The following SMAD4 variants were observed in gnomAD, a reference collection of about 807,000 sequenced individuals.
SMAD4 encodes the protein MAD homolog 4.
A neutral mutation model predicts 63.2 loss-of-function variants in SMAD4; 7 were observed. The observed-to-expected ratio is 0.11, with a 90% CI of 0.06 to 0.21. The LOEUF (loss-of-function observed/expected upper bound fraction) is 0.21, where lower values mean the gene tolerates loss of function less well. Among genes scored for constraint, SMAD4 ranks in the 10% least tolerant of loss-of-function variants. SMAD4 has a pLI of 1.00. For missense variants in SMAD4, 312 were observed against 693.8 expected (o/e 0.45, Z 6.18); for synonymous variants, 215 against 235.4 (o/e 0.91, Z 0.79).
intron 1 of SMAD4, among the ~76,000 whole-genome samples, chr18:51,041,521 C>T (rs1360249591): frequency 1.3e-5 from 2 of 152,210 alleles, no homozygotes; most frequent in Non-Finnish European, 2.9e-5. Context: ...TGGCCTTTAG[C>T]CACCAGATGC....
chr18:51,036,934 C>T (rs1476067273), intron 1 of SMAD4, among the ~76,000 whole-genome samples: 1 of 152,106 alleles, frequency 6.6e-6, no homozygotes. Context: ...AAGGGGGGTG[C>T]GGATTACCTG....
At chr18:51,031,703 T>C (rs1909055751) in intron 1 of SMAD4, among the ~76,000 whole-genome samples, 1 of 151,894 alleles carries the variant, frequency 6.6e-6, no homozygotes. Flanking sequence ...AGAAGTAGGT[T>C]CACTCCTTTT....
At chr18:51,042,824 CTTG>C (rs1909431046) in intron 1 of SMAD4, among the ~76,000 whole-genome samples, 2 of 152,190 alleles carry the variant, frequency 1.3e-5, no homozygotes, top group Non-Finnish European at 2.9e-5. Context: ...GCCCCAGCCT[CTTG>C]TTAATTCATT....
At chr18:51,047,965 T>C (rs1345825663) in intron 2 of SMAD4, among the ~76,000 whole-genome samples, 1 of 152,186 alleles carries the variant, frequency 6.6e-6, no homozygotes, top group Non-Finnish European at 1.5e-5. Context: ...TTACACTTAG[T>C]CCTTTTATAA....
chr18:51,068,386 A>G (rs984219649), intron 10 of SMAD4, among the ~76,000 whole-genome samples: 7 of 152,206 alleles, frequency 4.6e-5, no homozygotes, highest in Admixed American at 4.6e-4. Context: ...ATAGTCACTC[A>G]TAAAATATTT....
intron 4 of SMAD4, among the ~76,000 whole-genome samples, chr18:51,050,302 T>G (rs1909669931): frequency 6.7e-6 from 1 of 148,162 alleles, no homozygotes. Context: ...GAGGTTGCAG[T>G]GAGCTGAGAT....
rs1909898933 is a variant in SMAD4, at chr18:51,058,348, A to G, written c.796A>G (p.Thr266Ala). 6.2e-7 allele frequency: 1 copy of G among 1,614,004 alleles called. No individual in the cohort carries two copies. Reference protein sequence around the residue: ...QPATYHHNSTTTWTGSRTAPY... With the variant: ...QPATYHHNSTATWTGSRTAPY... ...TGGGCCTTAATTTTTAGACAGCACT[A>G]CCACCTGGACTGGAAGTAGGACTGC... Residue 266 changes from threonine to alanine, a missense_variant, in exon 7 of 12, where the codon ACC becomes GCC. Thr to Ala is a moderately conservative substitution (Grantham distance 58). This residue lies in a region of SMAD4 where 169 missense variants were observed against 211.0 expected (regional missense o/e 0.80). Coordinates refer to ENST00000342988, the MANE Select transcript of SMAD4 (RefSeq NM_005359.6).
At chr18:51,055,303 C>T (rs1909814192) in intron 5 of SMAD4, among the ~76,000 whole-genome samples, 1 of 151,914 alleles carries the variant, frequency 6.6e-6, no homozygotes, top group South Asian at 2.1e-4. Context: ...AGTTTTGATC[C>T]AAGATGTTTA....
At chr18:51,056,912 T>G (rs1909861099) in intron 5 of SMAD4, among the ~76,000 whole-genome samples, 1 of 152,114 alleles carries the variant, frequency 6.6e-6, no homozygotes. Context: ...TTAATGACAA[T>G]TTTTGTAAGT....
At chr18:51,065,140 T>A (rs1378387676) in intron 8 of SMAD4, among the ~76,000 whole-genome samples, 3 of 152,094 alleles carry the variant, frequency 2.0e-5, no homozygotes, top group Non-Finnish European at 4.4e-5. Flanking sequence ...TTCCAGATTT[T>A]AAAAAATGAC....
rs863224401 is a variant in SMAD4 at position 51,048,811 on chromosome 18, T to C, written c.375T>C (p.Ser125=). 1 of 1,614,080 alleles carries C rather than the reference T, an allele frequency of 6.2e-7. No individual in the cohort carries two copies. The highest frequency in any genetic ancestry group is 8.5e-7 in the Non-Finnish European group (1 of 1,179,906). Residue 125 remains serine (S), a synonymous_variant, in exon 3 of 12, where the codon AGT becomes AGC. Coordinates refer to ENST00000342988, the MANE Select transcript of SMAD4 (RefSeq NM_005359.6). Reference sequence around the variant, plus strand: ...ATGCGTTTGACTTAAAATGTGATAGTGTCTGTGTGAATCCATATCACTACG... The same window carrying C: ...ATGCGTTTGACTTAAAATGTGATAGCGTCTGTGTGAATCCATATCACTACG... ...CQYAFDLKCD[S]VCVNPYHYER... is the part of the protein sequence containing the mutation.
chr18:51,070,226 G>C (rs1170701414), intron 10 of SMAD4, among the ~76,000 whole-genome samples: 1 of 152,128 alleles, frequency 6.6e-6, no homozygotes, highest in East Asian at 1.9e-4. Context: ...AAACAATTGA[G>C]CTTAAATAAT....
At chr18:51,052,241 C>T (rs1475522302) in intron 4 of SMAD4, 2 of 152,506 alleles carry the variant, frequency 1.3e-5, no homozygotes, top group African/African-American at 4.8e-5. Flanking sequence ...AGTATTGTGT[C>T]ATCATTCTCA....
rs1369499052 is a variant in SMAD4 at position 51,079,339 on chromosome 18, C to T, written c.*872C>T. 8.6e-6 allele frequency: 2 copies of T among 233,254 alleles called. No homozygotes were observed. The highest frequency in any genetic ancestry group is 1.7e-5 in the Non-Finnish European group (2 of 117,908). The allele number at this position is 233,254 out of a possible 1,614,324, so 14.4% of individuals were successfully genotyped here. On this transcript the variant is annotated 3_prime_UTR_variant, in exon 12 of 12. Transcript: ENST00000342988. ...TTTGTATTTTTTAAAACACTAAAAG[C>T]AGCGTCACTCTACCTAATGTCTCAC...
In SMAD4 at chr18:51,084,084, T is replaced by G. The variant is rs1283326740; in HGVS notation, c.*5617T>G. 4.4e-6 allele frequency: 1 copy of G among 229,030 alleles called. No individual in the cohort carries two copies. Among genetic ancestry groups the G allele is most frequent in the Non-Finnish European group, 8.6e-6 (1 of 116,196 alleles). 14.2% of individuals were successfully genotyped at this position (229,030 alleles called of 1,614,324 possible). A position where few individuals can be genotyped will look rare whatever the true frequency, so the allele number is the denominator to read the frequency against. On this transcript the variant is annotated 3_prime_UTR_variant, in exon 12 of 12. Coordinates refer to ENST00000342988, the MANE Select transcript of SMAD4 (RefSeq NM_005359.6). ...GCTTTCGAGTCATGACATTCTAGCT[T>G]TTGAATTGCGTGCACACACACACGC...
chr18:51,032,398 C>T (rs890142224), intron 1 of SMAD4, among the ~76,000 whole-genome samples: 2 of 151,990 alleles, frequency 1.3e-5, no homozygotes, highest in African/African-American at 2.4e-5. Flanking sequence ...AAATTTGTGC[C>T]GAGAAAGTCA....
At chr18:51,056,512 C>T (rs980007498) in intron 5 of SMAD4, among the ~76,000 whole-genome samples, 2 of 149,726 alleles carry the variant, frequency 1.3e-5, no homozygotes, top group Non-Finnish European at 3.0e-5. Context: ...CCAGCTGCTC[C>T]GGGGGCTGAG....
At chr18:51,034,855 C>T (rs540745898) in intron 1 of SMAD4, among the ~76,000 whole-genome samples, 1 of 152,262 alleles carries the variant, frequency 6.6e-6, no homozygotes, top group African/African-American at 2.4e-5. Flanking sequence ...AAGTAGTTTT[C>T]AATCTTGGCT....
At chr18:51,037,375 G>A (rs890342914) in intron 1 of SMAD4, among the ~76,000 whole-genome samples, 1 of 152,124 alleles carries the variant, frequency 6.6e-6, no homozygotes, top group African/African-American at 2.4e-5. Flanking sequence ...GACGTTATTT[G>A]CCCTTTCACT....
Sources: allele counts gnomAD v4.1 joint callset (sites outside exome capture counted in the v4.1 genomes callset), GRCh38; gene constraint gnomAD v4.1.1; regional missense constraint gnomAD v4.1.1; transcripts MANE v1.5; gene names NCBI Gene and HGNC (gene_info 2026-07-23, HGNC 2026-07-21).